Variants in MACROD2 observed in about 807,000 individuals in gnomAD.
The protein encoded by MACROD2 is mono-ADP ribosylhydrolase 2.
MACROD2 carries 36 observed loss-of-function variants against 70.4 expected under a neutral mutation model. The ratio of observed to expected loss-of-function variants is 0.51; its 90% CI spans 0.39 to 0.68. MACROD2 has a LOEUF of 0.68. Ranked by LOEUF, MACROD2 falls within the 30% of genes least tolerant of loss-of-function variation. MACROD2 has a pLI of 0.00. For missense variants in MACROD2, 496 were observed against 538.4 expected, an observed-to-expected ratio of 0.92 and a Z score of 0.78; for synonymous variants, 172 against 178.8, an observed-to-expected ratio of 0.96 and a Z score of 0.30.
chr20:15,400,278 C>T (rs1228653884), intron 6 of MACROD2, among the ~76,000 whole-genome samples: 1 of 152,160 alleles, frequency 6.6e-6, no homozygotes, highest in Non-Finnish European at 1.5e-5. Flanking sequence ...GCATAGGAAA[C>T]AAGGCTCTGC....
intron 8 of MACROD2, among the ~76,000 whole-genome samples, chr20:15,627,451 C>G (rs894614510): frequency 6.6e-6 from 1 of 152,064 alleles, no homozygotes; most frequent in Non-Finnish European, 1.5e-5. Context: ...AGTTACTACT[C>G]ATATCAATCT....
intron 5 of MACROD2, among the ~76,000 whole-genome samples, chr20:15,140,912 C>T (rs866244534): frequency 1.2e-4 from 19 of 152,288 alleles, no homozygotes; most frequent in African/African-American, 3.1e-4. Context: ...TTTTGTAAAC[C>T]AGGTTTTAGT....
At chr20:14,374,431 C>T (rs1382765477) in intron 3 of MACROD2, among the ~76,000 whole-genome samples, 10 of 152,130 alleles carry the variant, frequency 6.6e-5, no homozygotes, top group Non-Finnish European at 1.0e-4. Flanking sequence ...CAGTTTAGAT[C>T]TGCAAGTCAG....
At chr20:15,866,633 A>G (rs1012659212) in intron 9 of MACROD2, among the ~76,000 whole-genome samples, 4 of 152,182 alleles carry the variant, frequency 2.6e-5, no homozygotes, top group African/African-American at 7.2e-5. Flanking sequence ...GAGCATCTTT[A>G]GAGAAGGCTG....
intron 8 of MACROD2, among the ~76,000 whole-genome samples, chr20:15,620,773 GT>G (rs1006417938): frequency 6.6e-6 from 1 of 151,972 alleles, no homozygotes; most frequent in East Asian, 1.9e-4. Context: ...TCACCAAGCT[GT>G]TTTTTTGTTT....
intron 4 of MACROD2, among the ~76,000 whole-genome samples, chr20:14,670,986 T>G (rs1436009120): frequency 1.3e-5 from 2 of 152,172 alleles, no homozygotes; most frequent in Admixed American, 1.3e-4. Flanking sequence ...GTAATAAGCT[T>G]GCCTGGAAGC....
intron 6 of MACROD2, among the ~76,000 whole-genome samples, chr20:15,334,998 G>C (rs1043263345): frequency 2.0e-5 from 3 of 151,658 alleles, no homozygotes; most frequent in African/African-American, 7.3e-5. Flanking sequence ...CATCTTTTAT[G>C]ACAATCATCA....
chr20:15,196,884 A>G, intron 5 of MACROD2: 1 of 985,408 alleles, frequency 1.0e-6, no homozygotes, highest in Non-Finnish European at 1.2e-6. Context: ...TGACAGGCTC[A>G]GGCCTTACCA....
At position 15,537,838 on chromosome 20, in the gene MACROD2, T is replaced by G. The variant is rs2047897731; in HGVS notation, c.645+37991T>G. ...CTGGAGAGCCTGCCTCTGGCTCCCA[T>G]GCTAGATCACGACCCCAGTCATATG... On this transcript the variant is annotated intron_variant, in intron 8 of 17. Transcript: ENST00000684519. Among the ~76,000 whole-genome samples the G allele has an allele frequency of 5.3e-5, 8 of 152,278 alleles. 1 individual carries two copies. In the South Asian group the frequency reaches 1.7e-3, roughly 32 times the overall value.
At chr20:14,848,951 G>T (rs2073171136) in intron 5 of MACROD2, among the ~76,000 whole-genome samples, 1 of 152,044 alleles carries the variant, frequency 6.6e-6, no homozygotes, top group African/African-American at 2.4e-5. Context: ...TCACTTATCG[G>T]TCGTGGCATT....
intron 3 of MACROD2, among the ~76,000 whole-genome samples, chr20:14,468,606 G>A (rs1286531491): frequency 2.6e-5 from 4 of 151,678 alleles, no homozygotes; most frequent in Non-Finnish European, 4.4e-5. Flanking sequence ...TCCGCCTCCC[G>A]GGTTCAAGCA....
At chr20:15,886,079 C>G (rs142997001) in intron 10 of MACROD2, among the ~76,000 whole-genome samples, 2,267 of 152,180 alleles carry the variant, frequency 0.015, 25 homozygotes, top group Middle Eastern at 0.031. Context: ...TAACGAATCA[C>G]CCCCAAAACT....
At chr20:14,055,602 G>C (rs923912633) in intron 2 of MACROD2, among the ~76,000 whole-genome samples, 1 of 151,510 alleles carries the variant, frequency 6.6e-6, no homozygotes, top group Non-Finnish European at 1.5e-5. Context: ...CAAGTTACCT[G>C]TCCAGAGTTC....
At chr20:15,822,648 C>T (rs1395227180) in intron 8 of MACROD2, among the ~76,000 whole-genome samples, 1 of 152,102 alleles carries the variant, frequency 6.6e-6, no homozygotes, top group African/African-American at 2.4e-5. Context: ...ACTTTAATTT[C>T]ACTAAATTGA....
At chr20:15,939,455 A>G (rs928549682) in intron 12 of MACROD2, among the ~76,000 whole-genome samples, 1 of 152,126 alleles carries the variant, frequency 6.6e-6, no homozygotes, top group African/African-American at 2.4e-5. Context: ...TCTGTATTAT[A>G]GCATGTCTCT....
At chr20:15,995,436 G>A (rs542616858) in intron 15 of MACROD2, among the ~76,000 whole-genome samples, 9 of 151,130 alleles carry the variant, frequency 6.0e-5, no homozygotes, top group South Asian at 2.1e-4. Context: ...TGCAAGCTCC[G>A]CCTCCCAGGT....
chr20:14,781,299 A>G (rs541426625), intron 5 of MACROD2, among the ~76,000 whole-genome samples: 1 of 151,908 alleles, frequency 6.6e-6, no homozygotes, highest in South Asian at 2.1e-4. Context: ...AAAATATTCT[A>G]TAGGCATTTC....
At chr20:15,640,101 TAGAG>T (rs2146772054) in intron 8 of MACROD2, among the ~76,000 whole-genome samples, 1 of 134,216 alleles carries the variant, frequency 7.5e-6, no homozygotes, top group Admixed American at 7.6e-5. Context: ...GATAAAAGGA[TAGAG>T]GGAGAGAGAA....
At chr20:14,799,561 G>A (rs995853398) in intron 5 of MACROD2, among the ~76,000 whole-genome samples, 5 of 151,968 alleles carry the variant, frequency 3.3e-5, no homozygotes, top group African/African-American at 1.2e-4. Flanking sequence ...ATTAGATAAA[G>A]GCAAAAATAG....
Sources: gnomAD v4.1 joint callset for allele counts (sites outside exome capture counted in the v4.1 genomes callset) on GRCh38, gnomAD v4.1.1 for gene constraint, MANE v1.5 for transcripts, NCBI Gene and HGNC (gene_info 2026-07-23, HGNC 2026-07-21) for gene names.